SYNE1: variants seen among roughly 807,000 people sequenced by gnomAD.
The protein encoded by SYNE1 is nesprin-1.
Under a neutral mutation model 1,111.0 loss-of-function variants are expected in SYNE1, and 616 were observed. That is an observed-to-expected ratio of 0.55 (90% confidence interval 0.52 to 0.59). The LOEUF is 0.59. Among genes scored for constraint, SYNE1 ranks in the 20% least tolerant of loss-of-function variants. The pLI is 0.00. For synonymous variants in SYNE1, 3,855 were observed against 3,825.8 expected (o/e 1.01, Z -0.28); for missense variants, 10,006 against 10,417.0 (o/e 0.96, Z 1.72).
intron 130 of SYNE1, among the ~76,000 whole-genome samples, chr6:152,168,516 A>G (rs1337479031): frequency 6.7e-6 from 1 of 150,370 alleles, no homozygotes; most frequent in African/African-American, 2.4e-5. Flanking sequence ...AGCAAAAACA[A>G]CATCGGCTGC....
rs755452761 is a variant in SYNE1 at position 152,330,447 on chromosome 6, A to C, written c.14238T>G (p.Pro4746=). The C allele has an allele frequency of 6.2e-7, 1 of 1,614,162 alleles. No homozygotes were observed. The highest frequency in any genetic ancestry group is 8.5e-7 in the Non-Finnish European group (1 of 1,180,026). The part of the protein sequence containing the change: ...KKEGFRSTGQ[P]WQPDKMLHLV... ...GGTGCAGCATCTTGTCTGGCTGCCA[A>C]GGCTGACCTGTGCTGCGAAAACCTT... Residue 4746 remains proline, a synonymous_variant, in exon 78 of 146, where the codon CCT becomes CCG. Coordinates refer to ENST00000367255, the MANE Select transcript of SYNE1 (RefSeq NM_182961.4).
intron 104 of SYNE1, among the ~76,000 whole-genome samples, chr6:152,252,086 A>G (rs1051470703): frequency 1.3e-5 from 2 of 152,194 alleles, no homozygotes; most frequent in African/African-American, 2.4e-5. Context: ...CTTGGCCAAC[A>G]TACAGTGAAA....
intron 53 of SYNE1, among the ~76,000 whole-genome samples, chr6:152,389,238 C>T (rs1475074046): frequency 6.6e-6 from 1 of 152,068 alleles, no homozygotes; most frequent in African/African-American, 2.4e-5. Flanking sequence ...GGTACGTGTG[C>T]AGAGTTGCTG....
chr6:152,125,556 A>C (rs747284494), intron 145 of SYNE1: 88 of 606,406 alleles, frequency 1.5e-4, no homozygotes, highest in Non-Finnish European at 1.7e-4. Flanking sequence ...TTTGGATCAA[A>C]TTTTCTTCAA....
chr6:152,172,918 A>C (rs953679485), intron 130 of SYNE1, among the ~76,000 whole-genome samples: 1 of 152,244 alleles, frequency 6.6e-6, no homozygotes, highest in Non-Finnish European at 1.5e-5. Flanking sequence ...TGGCCAGTGC[A>C]ACTGACCATA....
intron 75 of SYNE1, among the ~76,000 whole-genome samples, chr6:152,337,279 G>A (rs2089893588): frequency 7.0e-6 from 1 of 142,792 alleles, no homozygotes. Context: ...TCAGTGTTGT[G>A]AAACTCTAAT....
chr6:152,397,023 T>C, intron 49 of SYNE1, 43 bp from the exon 50 acceptor site: 2 of 1,587,582 alleles, frequency 1.3e-6, no homozygotes, highest in South Asian at 2.2e-5. Flanking sequence ...GGACTATGCA[T>C]TACAATTGTG....
rs1157217792 is a variant in SYNE1 at position 152,401,312 on chromosome 6, C to T, written c.6855G>A (p.Leu2285=). The part of the protein sequence containing the change: ...QFIEADLMQK[L]EHAKEITEVA... ...CTTCAGTTATTTCTTTGGCATGCTC[C>T]AGTTTCTGCATTAAGTCTGCTTCTA... The change falls in exon 47 of 146, where the codon CTG becomes CTA. Residue 2285 remains leucine, a synonymous_variant. Coordinates refer to ENST00000367255, the MANE Select transcript of SYNE1 (RefSeq NM_182961.4). The T allele has an allele frequency of 6.2e-7, 1 of 1,613,962 alleles. No individual in the cohort carries two copies. The highest frequency in any genetic ancestry group is 1.1e-5 in the South Asian group (1 of 91,086).
At position 152,385,684 on chromosome 6, in the gene SYNE1, G is replaced by T; in HGVS notation, c.8642C>A (p.Ser2881Ter). 1 of 1,614,038 alleles carries T rather than the reference G, an allele frequency of 6.2e-7. No homozygotes were observed. Among genetic ancestry groups the T allele is most frequent in the South Asian group, 1.1e-5 (1 of 91,064 alleles). Reference sequence around the variant, plus strand: ...TGTTCATTTCCTGACCTTAATTTTTGATAACTTTTTCTGGGTGGCTGATGA... The same window carrying T: ...TGTTCATTTCCTGACCTTAATTTTTTATAACTTTTTCTGGGTGGCTGATGA... ...GDSSATQKKL[S>*]KIKELIDSRE... Residue 2881 changes from serine to a stop codon, truncating the protein, a stop_gained, in exon 55 of 146, where the codon TCA (serine) becomes TAA (stop). Coordinates refer to ENST00000367255, the MANE Select transcript of SYNE1 (RefSeq NM_182961.4). LOFTEE classifies it high-confidence loss of function.
chr6:152,393,864 A>T (rs1424564871), intron 51 of SYNE1, among the ~76,000 whole-genome samples: 1 of 152,200 alleles, frequency 6.6e-6, no homozygotes, highest in African/African-American at 2.4e-5. Context: ...TCTGGGATAC[A>T]TGTGCAGAAT....
chr6:152,413,615 A>T, intron 41 of SYNE1, 84 bp from the exon 42 acceptor site: 5 of 1,359,656 alleles, frequency 3.7e-6, no homozygotes, highest in African/African-American at 1.4e-5. Context: ...TGATGAGTCC[A>T]TAAAGCACTC....
At chr6:152,387,025 T>A in intron 54 of SYNE1, 47 bp downstream of exon 54, 1 of 1,463,760 alleles carries the variant, frequency 6.8e-7, no homozygotes, top group Non-Finnish European at 9.3e-7. Flanking sequence ...ATCAATATAT[T>A]GTATTAATGT....
At chr6:152,270,082 T>G (rs2093075384) in intron 98 of SYNE1, among the ~76,000 whole-genome samples, 1 of 152,200 alleles carries the variant, frequency 6.6e-6, no homozygotes, top group South Asian at 2.1e-4. Context: ...TCCCTGATAC[T>G]GGTCTGTGTA....
chr6:152,339,478 A>G, intron 74 of SYNE1, 112 bp from the exon 75 acceptor site: 1 of 1,458,570 alleles, frequency 6.9e-7, no homozygotes, highest in Non-Finnish European at 9.4e-7. Flanking sequence ...TGCTATGCTC[A>G]GTGTTTTCAC....
At position 152,279,592 on chromosome 6, in the gene SYNE1, C is replaced by T. The variant is rs541945562; in HGVS notation, c.18382-1312G>A. On this transcript the variant is annotated intron_variant, in intron 97 of 145. Transcript: ENST00000367255. ...AATAAGCCAGGCGTGGTGGCACGTG[C>T]CTGTACTCCCCGCACTTGCGGGGCT... Among the ~76,000 whole-genome samples the T allele has an allele frequency of 4.6e-5, 7 of 151,896 alleles. No individual in the cohort carries two copies. The South Asian group carries it at 1.2e-3, about 27-fold the overall frequency.
Position 152,628,765 on chromosome 6 carries a change from TATAAA to T in SYNE1, c.-223-216_-223-212del, listed in dbSNP as rs567253586. ...ATAAAATAAATACATAAATGAGACA[TATAAA>T]ATAAAATTGGGTTGCTAAAAGAAGA... is the stretch of plus-strand genomic sequence containing the variant. On this transcript the variant is annotated intron_variant, in intron 2 of 145. Transcript: ENST00000367255. Among the ~76,000 whole-genome samples, 371 of 152,294 alleles carry T rather than the reference TATAAA, an allele frequency of 2.4e-3. 2 individuals are homozygous for T. Among genetic ancestry groups the T allele is most frequent in the South Asian group, 0.011 (52 of 4,820 alleles).
chr6:152,213,502 T>G, intron 123 of SYNE1, 110 bp downstream of exon 123: 1 of 1,243,310 alleles, frequency 8.0e-7, no homozygotes, highest in Non-Finnish European at 1.2e-6. Context: ...TGCATGCATT[T>G]AGACACTCGT....
chr6:152,395,107 T>A (rs2097712146), intron 51 of SYNE1, among the ~76,000 whole-genome samples: 1 of 151,902 alleles, frequency 6.6e-6, no homozygotes, highest in Admixed American at 6.6e-5. Flanking sequence ...CTTTTTTTTA[T>A]CTTTACAGTC....
intron 29 of SYNE1, among the ~76,000 whole-genome samples, chr6:152,446,643 T>C (rs1012429179): frequency 2.0e-5 from 3 of 152,170 alleles, no homozygotes; most frequent in Non-Finnish European, 1.5e-5. Flanking sequence ...AAGTTTCTAC[T>C]TAAATGATTT....
Sources: gnomAD v4.1 joint callset for allele counts (sites outside exome capture counted in the v4.1 genomes callset) on GRCh38, gnomAD v4.1.1 for gene constraint, MANE v1.5 for transcripts, NCBI Gene and HGNC (gene_info 2026-07-23, HGNC 2026-07-21) for gene names.